The following ZMYM2 variants were observed in gnomAD, a reference collection of about 807,000 sequenced individuals.
ZMYM2 encodes zinc finger MYM-type containing 2, also known as zinc finger MYM-type protein 2.
ZMYM2 carries 56 observed loss-of-function variants against 162.8 expected under a neutral mutation model. That is an observed-to-expected ratio of 0.34 (90% CI 0.28 to 0.43). The LOEUF is 0.43. ZMYM2 is among the 20% of genes least tolerant of loss of function. The pLI, the probability that ZMYM2 is intolerant of heterozygous loss-of-function variation, is 1.00. For missense variants in ZMYM2, 1,275 were observed against 1,621.8 expected, an observed-to-expected ratio of 0.79 and a Z score of 3.67; for synonymous variants, 510 against 541.6, an observed-to-expected ratio of 0.94 and a Z score of 0.81.
intron 2 of ZMYM2, among the ~76,000 whole-genome samples, chr13:19,973,670 CAAA>C (rs529880853): frequency 1.2e-4 from 7 of 59,002 alleles, no homozygotes; most frequent in Admixed American, 1.8e-4. Context: ...AACTCCATCT[CAAA>C]AAAAAAAAAA....
intron 21 of ZMYM2, among the ~76,000 whole-genome samples, chr13:20,074,786 C>A (rs1365579705): frequency 6.6e-6 from 1 of 152,176 alleles, no homozygotes. Context: ...GATCCGCCTG[C>A]CTTGGCCTCC....
At chr13:20,029,551 T>A (rs1281620939) in intron 9 of ZMYM2, among the ~76,000 whole-genome samples, 1 of 152,216 alleles carries the variant, frequency 6.6e-6, no homozygotes, top group African/African-American at 2.4e-5. Flanking sequence ...AATCTGTATA[T>A]TTTATTTTTC....
In ZMYM2 at chr13:20,064,531, C is replaced by T; in HGVS notation, c.3118C>T (p.Arg1040Ter). Residue 1040 changes from arginine (R) to a stop codon, truncating the protein, a stop_gained, in exon 19 of 25, where the codon CGA becomes TGA. Transcript: ENST00000610343. LOFTEE classifies it high-confidence loss of function. ...AGAATATGAGGAACAGCCCAGACCT[C>T]GATCTAAAAAAAAGGTACATTCACT... ...GEEYEEQPRP[R>*]SKKKGAKRKA... 1 of 1,572,720 alleles carries T rather than the reference C, an allele frequency of 6.4e-7. No homozygotes were observed. Among genetic ancestry groups the T allele is most frequent in the Non-Finnish European group, 8.6e-7 (1 of 1,159,058 alleles).
At chr13:20,018,002 G>A (rs1951765450) in intron 6 of ZMYM2, among the ~76,000 whole-genome samples, 1 of 152,070 alleles carries the variant, frequency 6.6e-6, no homozygotes, top group Non-Finnish European at 1.5e-5. Flanking sequence ...CTATGGTATT[G>A]CCAAGTGGAG....
chr13:19,930,285 C>T, the ZMYM2 span, among the ~76,000 whole-genome samples: 5 of 151,926 alleles, frequency 3.3e-5, no homozygotes, highest in South Asian at 2.1e-4. Flanking sequence ...CCTGTAATCC[C>T]GGCTACTCAG....
chr13:19,997,448 T>C (rs896595429), intron 3 of ZMYM2, among the ~76,000 whole-genome samples: 5 of 152,184 alleles, frequency 3.3e-5, no homozygotes, highest in African/African-American at 1.2e-4. Flanking sequence ...AAATATGCTC[T>C]TTTTTACTCA....
At chr13:19,893,131 C>T in the ZMYM2 span, among the ~76,000 whole-genome samples, 1 of 151,296 alleles carries the variant, frequency 6.6e-6, no homozygotes, top group African/African-American at 2.4e-5. Context: ...GAACTGTACA[C>T]TTAAAAATGG....
chr13:19,955,897 C>G (rs1954501520), upstream of ZMYM2, among the ~76,000 whole-genome samples: 1 of 152,220 alleles, frequency 6.6e-6, no homozygotes, highest in Non-Finnish European at 1.5e-5. Flanking sequence ...CTTTTGCTCA[C>G]GTCTTGCAGC....
At position 20,082,015 on chromosome 13, in the gene ZMYM2, G is replaced by A; in HGVS notation, c.3454-1G>A. 1 of 1,495,098 alleles carries A rather than the reference G, an allele frequency of 6.7e-7. No individual in the cohort carries two copies. The highest frequency in any genetic ancestry group is 9.0e-7 in the Non-Finnish European group (1 of 1,114,610). The allele number at this position is 1,495,098 out of a possible 1,614,324, so 92.6% of individuals were successfully genotyped here. A position where few individuals can be genotyped will look rare whatever the true frequency, so the allele number is the denominator to read the frequency against. On this transcript the variant is annotated splice_acceptor_variant, in intron 21 of 24. Coordinates refer to ENST00000610343, the MANE Select transcript of ZMYM2 (RefSeq NM_197968.4). LOFTEE classifies it high-confidence loss of function. ...TTGTGGGGCTTTTTTTTTTTTTATA[G>A]TATTTGTGTGGAAGTAATCGAAAAG...
chr13:20,046,581 A>ATGTGTG (rs1249162923), intron 12 of ZMYM2, among the ~76,000 whole-genome samples: 4 of 117,510 alleles, frequency 3.4e-5, no homozygotes, highest in East Asian at 2.4e-4. Context: ...ATATATATAT[A>ATGTGTG]TGTGTGTGTG....
the ZMYM2 span, among the ~76,000 whole-genome samples, chr13:19,878,254 T>C: frequency 6.6e-6 from 1 of 152,198 alleles, no homozygotes; most frequent in South Asian, 2.1e-4. Flanking sequence ...GGTTTCACCA[T>C]GTTGGCCAGG....
intron 2 of ZMYM2, among the ~76,000 whole-genome samples, chr13:19,991,810 T>C (rs575021329): frequency 3.3e-5 from 5 of 149,944 alleles, no homozygotes; most frequent in Non-Finnish European, 7.4e-5. Context: ...TTGTATTTTT[T>C]GTAGAGATGG....
the ZMYM2 span, among the ~76,000 whole-genome samples, chr13:19,906,834 C>T: frequency 6.6e-6 from 1 of 152,124 alleles, no homozygotes; most frequent in African/African-American, 2.4e-5. Flanking sequence ...TTTGGGATTA[C>T]AGGCTTGAGC....
intron 9 of ZMYM2, 150 bp from the exon 10 acceptor site, chr13:20,031,169 G>T: frequency 2.0e-6 from 1 of 489,856 alleles, no homozygotes. Context: ...TAATTTTTAA[G>T]GACAAAATTT....
intron 15 of ZMYM2, 28 bp downstream of exon 15, chr13:20,058,732 C>T: frequency 2.5e-6 from 4 of 1,610,444 alleles, no homozygotes; most frequent in Non-Finnish European, 3.4e-6. Context: ...GACTTACATA[C>T]TTCCCCATAC....
At chr13:20,052,409 T>G (rs1955445481) in intron 14 of ZMYM2, 98 bp downstream of exon 14, 2 of 1,251,808 alleles carry the variant, frequency 1.6e-6, no homozygotes, top group Non-Finnish European at 2.2e-6. Flanking sequence ...GTAATTTTTT[T>G]GGTTTTTTTT....
At chr13:19,933,497 A>T in the ZMYM2 span, among the ~76,000 whole-genome samples, 85,607 of 152,024 alleles carry the variant, frequency 0.56, 24,253 homozygotes, top group South Asian at 0.69. Context: ...CAGATAAGAT[A>T]TCTAGCCTGA....
At chr13:19,907,072 C>T in the ZMYM2 span, among the ~76,000 whole-genome samples, 1 of 152,114 alleles carries the variant, frequency 6.6e-6, no homozygotes, top group African/African-American at 2.4e-5. Context: ...CTTCTTCTTA[C>T]TAATTTTAAA....
At chr13:19,888,199 T>G in the ZMYM2 span, among the ~76,000 whole-genome samples, 1 of 151,080 alleles carries the variant, frequency 6.6e-6, no homozygotes, top group Non-Finnish European at 1.5e-5. Flanking sequence ...TTTGGTTTTG[T>G]TTTTTTTGAG....
Sources: allele counts gnomAD v4.1 joint callset (sites outside exome capture counted in the v4.1 genomes callset), GRCh38; gene constraint gnomAD v4.1.1; transcripts MANE v1.5; gene names NCBI Gene and HGNC (gene_info 2026-07-23, HGNC 2026-07-21).